The following DSCAML1 variants were observed in gnomAD, a reference collection of about 807,000 sequenced individuals.
The protein encoded by DSCAML1 is DS cell adhesion molecule like 1, also known as cell adhesion molecule DSCAML1.
DSCAML1 carries 38 observed loss-of-function variants against 200.5 expected under a neutral mutation model. That is an observed-to-expected ratio of 0.19 (90% CI 0.15 to 0.25). DSCAML1 has a LOEUF of 0.25. Ranked by LOEUF, DSCAML1 falls within the 10% of genes least tolerant of loss-of-function variation. The probability of loss-of-function intolerance (pLI) is 1.00; values close to 1 mark genes in which losing one functional copy is unlikely to be tolerated. For synonymous variants in DSCAML1, 1,215 were observed against 1,165.0 expected, an observed-to-expected ratio of 1.04 and a Z score of -0.87; for missense variants, 2,223 against 2,858.8, an observed-to-expected ratio of 0.78 and a Z score of 5.07.
intron 3 of DSCAML1, among the ~76,000 whole-genome samples, chr11:117,718,084 C>T (rs139911291): frequency 3.3e-4 from 50 of 152,364 alleles, no homozygotes; most frequent in African/African-American, 7.5e-4. Flanking sequence ...AATATTTTAA[C>T]GGCTGCACGT....
intron 3 of DSCAML1, among the ~76,000 whole-genome samples, chr11:117,769,091 TATATTTTATATATATAATAG>T (rs1322239170): frequency 1.8e-4 from 23 of 129,808 alleles, no homozygotes; most frequent in African/African-American, 6.1e-4. Context: ...ATATATAATA[TATATTTTATATATATAATAG>T]ATATTTTATA....
chr11:117,461,378 T>C (rs1482863501), intron 18 of DSCAML1, 72 bp downstream of exon 18: 5 of 1,599,840 alleles, frequency 3.1e-6, no homozygotes, highest in Non-Finnish European at 4.3e-6. Context: ...CAGCTCTAAC[T>C]ACGCCTGGAA....
At chr11:117,628,174 G>A (rs2052096227) in intron 3 of DSCAML1, among the ~76,000 whole-genome samples, 1 of 152,212 alleles carries the variant, frequency 6.6e-6, no homozygotes, top group Non-Finnish European at 1.5e-5. Flanking sequence ...TCGATGTGAA[G>A]AGGGAACTAG....
In DSCAML1 at chr11:117,780,171, GAAAA is replaced by G. The variant is rs1410417645; in HGVS notation, c.364+318_364+321del. Among the ~76,000 whole-genome samples, 26 of 96,272 alleles carry G rather than the reference GAAAA, an allele frequency of 2.7e-4. No homozygotes were observed. Among genetic ancestry groups the G allele is most frequent in the African/African-American group, 8.6e-4 (21 of 24,382 alleles). 63.2% of individuals were successfully genotyped at this position (96,272 alleles called of 152,430 possible). On this transcript the variant is annotated intron_variant, in intron 2 of 32. Coordinates refer to ENST00000651296, the MANE Select transcript of DSCAML1 (RefSeq NM_020693.4). This position sits in a 1 kb window ranked among gnomAD's most constrained non-coding sequence, Gnocchi z 4.8. The stretch of plus-strand genomic sequence containing the variant: ...AGAGAGAGAGAGAGAAAGAAAGAAA[GAAAA>G]AAAGAAAAAAAGAAAGAAAGAAAGA...
chr11:117,607,894 G>A (rs1237889129), intron 3 of DSCAML1, among the ~76,000 whole-genome samples: 1 of 152,232 alleles, frequency 6.6e-6, no homozygotes, highest in African/African-American at 2.4e-5. Context: ...AATAAAGAAT[G>A]TGAACCTCAC....
chr11:117,440,920 C>CAAAAAAAAAAA (rs1170541792), intron 21 of DSCAML1, among the ~76,000 whole-genome samples: 16 of 41,114 alleles, frequency 3.9e-4, no homozygotes, highest in African/African-American at 1.4e-3. Flanking sequence ...GACTCTGTCT[C>CAAAAAAAAAAA]AAAAAAAAAA....
chr11:117,755,194 C>T (rs1466892142), intron 3 of DSCAML1, among the ~76,000 whole-genome samples: 1 of 152,100 alleles, frequency 6.6e-6, no homozygotes, highest in Non-Finnish European at 1.5e-5. Context: ...CTCTATGGAT[C>T]CCCTAAAGAT....
intron 11 of DSCAML1, among the ~76,000 whole-genome samples, chr11:117,499,957 A>C (rs953758462): frequency 6.6e-6 from 1 of 152,264 alleles, no homozygotes; most frequent in African/African-American, 2.4e-5. Flanking sequence ...CTTAGTGTCA[A>C]GAGTCAACTC....
chr11:117,540,423 C>T (rs761454795), intron 3 of DSCAML1, among the ~76,000 whole-genome samples: 21 of 152,248 alleles, frequency 1.4e-4, no homozygotes, highest in Non-Finnish European at 2.1e-4. Flanking sequence ...GTGGAAATAT[C>T]GTCTTCCATG....
At chr11:117,615,226 G>A (rs1235386213) in intron 3 of DSCAML1, among the ~76,000 whole-genome samples, 5 of 151,938 alleles carry the variant, frequency 3.3e-5, no homozygotes, top group Non-Finnish European at 7.4e-5. Flanking sequence ...ATGAGAAAAC[G>A]GAGGTGACAA....
chr11:117,592,869 G>A (rs1456778542), intron 3 of DSCAML1, among the ~76,000 whole-genome samples: 13 of 152,232 alleles, frequency 8.5e-5, no homozygotes, highest in Admixed American at 8.5e-4. Flanking sequence ...ACTGAACGCT[G>A]CCCCAGTGGG....
At chr11:117,609,026 AC>A (rs1425150281) in intron 3 of DSCAML1, among the ~76,000 whole-genome samples, 83 of 114,100 alleles carry the variant, frequency 7.3e-4, no homozygotes, top group Non-Finnish European at 1.1e-3. Context: ...AAACAAACAA[AC>A]AAACAAACAA....
intron 3 of DSCAML1, among the ~76,000 whole-genome samples, chr11:117,710,539 G>A (rs1172483841): frequency 2.6e-5 from 4 of 152,192 alleles, no homozygotes; most frequent in Non-Finnish European, 1.5e-5. Flanking sequence ...CACTGGAGAA[G>A]CAGAGTAGTT....
At chr11:117,538,695 G>A (rs527648374) in intron 3 of DSCAML1, among the ~76,000 whole-genome samples, 5 of 152,226 alleles carry the variant, frequency 3.3e-5, no homozygotes, top group African/African-American at 1.2e-4. Flanking sequence ...TGGGTTTCTG[G>A]CAGCCCCAGA....
chr11:117,616,601 A>G (rs764005524), intron 3 of DSCAML1, among the ~76,000 whole-genome samples: 17 of 152,344 alleles, frequency 1.1e-4, no homozygotes, highest in Admixed American at 3.9e-4. Flanking sequence ...ACTCCCAAAA[A>G]AGTATACTTT....
At chr11:117,497,841 A>G (rs1353456070) in intron 11 of DSCAML1, among the ~76,000 whole-genome samples, 3 of 152,174 alleles carry the variant, frequency 2.0e-5, no homozygotes, top group Non-Finnish European at 4.4e-5. Flanking sequence ...GGCCCAGGCC[A>G]GCGTAACTCA....
At position 117,463,136 on chromosome 11, in the gene DSCAML1, C is replaced by T. The variant is rs2048514028; in HGVS notation, c.3266-1540G>A. 6.6e-6 allele frequency among the ~76,000 whole-genome samples: 1 copy of T among 152,214 alleles called. No homozygotes were observed. The highest frequency in any genetic ancestry group is 2.4e-5 in the African/African-American group (1 of 41,462). ...CTGCGTCACTTGTTCGTGCATCCAGCCTTGCTCCCAAGCAAAAGGGAGGCA... is the reference window on the plus strand; with the variant it reads ...CTGCGTCACTTGTTCGTGCATCCAGTCTTGCTCCCAAGCAAAAGGGAGGCA... On this transcript the variant is annotated intron_variant, in intron 17 of 32. Transcript: ENST00000651296. The surrounding 1 kb of genome is among the most constrained non-coding windows in gnomAD (Gnocchi z 4.0).
intron 3 of DSCAML1, among the ~76,000 whole-genome samples, chr11:117,620,986 A>G (rs1282969527): frequency 2.6e-5 from 4 of 152,256 alleles, no homozygotes; most frequent in Admixed American, 2.0e-4. Flanking sequence ...CAGTTCACTT[A>G]AAGTCCAAAC....
At chr11:117,577,435 TCTTTCCTTCCTTCCTTCCTTC>T (rs1346300403) in intron 3 of DSCAML1, among the ~76,000 whole-genome samples, 31 of 54,820 alleles carry the variant, frequency 5.7e-4, no homozygotes, top group African/African-American at 1.4e-3. Context: ...CTTCCTTCCT[TCTTTCCTTCCTTCCTTCCTTC>T]CTTTCCTTCC....
Sources: allele counts gnomAD v4.1 joint callset (sites outside exome capture counted in the v4.1 genomes callset), GRCh38; gene constraint gnomAD v4.1.1; non-coding constraint Gnocchi (gnomAD v3.1); transcripts MANE v1.5; gene names NCBI Gene and HGNC (gene_info 2026-07-23, HGNC 2026-07-21).